Variants in NBAS observed in about 807,000 individuals in gnomAD.
NBAS encodes the protein NBAS subunit of NRZ tethering complex.
NBAS carries 219 observed loss-of-function variants against 302.5 expected under a neutral mutation model. That is an observed-to-expected ratio of 0.72 (90% confidence interval 0.65 to 0.81). The LOEUF (loss-of-function observed/expected upper bound fraction) is 0.81. Ranked by LOEUF, NBAS falls within the 30% of genes least tolerant of loss-of-function variation. NBAS has a pLI of 0.00. For synonymous variants in NBAS, 1,118 were observed against 1,021.6 expected (o/e 1.09, Z -1.80); for missense variants, 2,932 against 2,841.6 (o/e 1.03, Z -0.72).
chr2:14,853,996 G>T, the NBAS span, among the ~76,000 whole-genome samples: 1 of 143,814 alleles, frequency 7.0e-6, no homozygotes, highest in African/African-American at 2.6e-5. Context: ...TGGGTGCAGC[G>T]CACCAGCATG....
chr2:14,793,068 T>TTCTCTCTCTC, the NBAS span, among the ~76,000 whole-genome samples: 2 of 147,316 alleles, frequency 1.4e-5, no homozygotes, highest in African/African-American at 5.0e-5. Context: ...CTGTCTCTGT[T>TTCTCTCTCTC]TCTCTCTCTC....
chr2:14,901,440 T>TAA, the NBAS span, among the ~76,000 whole-genome samples: 4 of 150,368 alleles, frequency 2.7e-5, no homozygotes, highest in Admixed American at 1.3e-4. Flanking sequence ...CAGGTAATTT[T>TAA]AAAAAAAAAA....
intron 22 of NBAS, 55 bp from the exon 23 acceptor site, chr2:15,424,523 TA>T (rs1677372040): frequency 1.9e-6 from 3 of 1,591,992 alleles, no homozygotes. Flanking sequence ...GAAAAACATA[TA>T]ATTTTGTGAG....
At chr2:15,475,965 A>G (rs1680175506) in intron 13 of NBAS, 85 bp from the exon 14 acceptor site, 2 of 1,085,052 alleles carry the variant, frequency 1.8e-6, no homozygotes, top group Admixed American at 5.1e-5. Flanking sequence ...TCAATTTTAA[A>G]ACAAAATTTA....
chr2:14,848,951 G>C, the NBAS span, among the ~76,000 whole-genome samples: 5 of 140,470 alleles, frequency 3.6e-5, no homozygotes, highest in African/African-American at 1.5e-4. Flanking sequence ...AAGACCAAAA[G>C]TAGATAAAAC....
chr2:15,243,704 C>A lies in NBAS; in HGVS notation c.5725-5018G>T, dbSNP rs1025505897. ...CCTAATGAACTTGGGAAATGGAACACCAGAAATGTGTTGGGTGTTATATGA... is the reference window on the plus strand; with the variant it reads ...CCTAATGAACTTGGGAAATGGAACAACAGAAATGTGTTGGGTGTTATATGA... On this transcript the variant is annotated intron_variant, in intron 44 of 51. Coordinates refer to ENST00000281513, the MANE Select transcript of NBAS (RefSeq NM_015909.4). 2.0e-5 allele frequency among the ~76,000 whole-genome samples: 3 copies of A among 152,034 alleles called. No individual in the cohort carries two copies. The South Asian group carries it at 6.2e-4, about 32-fold the overall frequency.
chr2:15,205,287 A>T (rs1666085395), intron 48 of NBAS, among the ~76,000 whole-genome samples: 1 of 152,162 alleles, frequency 6.6e-6, no homozygotes, highest in South Asian at 2.1e-4. Context: ...AAATTAACTC[A>T]TACCACAAGA....
chr2:15,338,985 A>G (rs955185877), intron 35 of NBAS, among the ~76,000 whole-genome samples: 1 of 152,172 alleles, frequency 6.6e-6, no homozygotes, highest in Non-Finnish European at 1.5e-5. Context: ...ACTGCACTCC[A>G]GCATTGGTGA....
At chr2:15,493,659 T>G (rs943406675) in intron 11 of NBAS, among the ~76,000 whole-genome samples, 3 of 148,314 alleles carry the variant, frequency 2.0e-5, no homozygotes, top group African/African-American at 7.5e-5. Context: ...ACAGCAAGAC[T>G]CTGGCTCAAA....
At chr2:15,345,921 A>G (rs908474069) in intron 35 of NBAS, among the ~76,000 whole-genome samples, 1 of 152,224 alleles carries the variant, frequency 6.6e-6, no homozygotes, top group African/African-American at 2.4e-5. Context: ...TTTCCTATTC[A>G]ATAAATGGTG....
At chr2:15,085,722 G>A in the NBAS span, among the ~76,000 whole-genome samples, 1 of 152,172 alleles carries the variant, frequency 6.6e-6, no homozygotes, top group Non-Finnish European at 1.5e-5. Flanking sequence ...TGTATGCTCA[G>A]AAGTGCCTGC....
chr2:15,248,118 G>A (rs1668189074), intron 44 of NBAS, among the ~76,000 whole-genome samples: 1 of 152,178 alleles, frequency 6.6e-6, no homozygotes, highest in Non-Finnish European at 1.5e-5. Flanking sequence ...AGGCCACAGT[G>A]CAATCAAATT....
chr2:14,962,194 G>A, the NBAS span, among the ~76,000 whole-genome samples: 1 of 152,166 alleles, frequency 6.6e-6, no homozygotes, highest in Non-Finnish European at 1.5e-5. Flanking sequence ...TGTGTGGGTT[G>A]ATTTAGGGCA....
intron 51 of NBAS, among the ~76,000 whole-genome samples, chr2:15,169,849 G>A (rs1044691942): frequency 7.2e-5 from 11 of 152,208 alleles, no homozygotes; most frequent in Admixed American, 5.2e-4. Flanking sequence ...CTCCAGCCAC[G>A]TGCATGCACA....
chr2:15,101,493 A>AAATT, the NBAS span, among the ~76,000 whole-genome samples: 147,117 of 151,804 alleles, frequency 0.97, 71,321 homozygotes, highest in East Asian at 1. Flanking sequence ...AAATGCATGT[A>AAATT]AATAACCCAT....
At chr2:15,216,747 G>A (rs1666671051) in intron 48 of NBAS, among the ~76,000 whole-genome samples, 1 of 152,182 alleles carries the variant, frequency 6.6e-6, no homozygotes, top group South Asian at 2.1e-4. Flanking sequence ...GTTTTAACAT[G>A]TCAGGTAATA....
chr2:15,377,368 G>A (rs1674794226), intron 30 of NBAS, among the ~76,000 whole-genome samples: 1 of 152,142 alleles, frequency 6.6e-6, no homozygotes, highest in South Asian at 2.1e-4. Flanking sequence ...AAAATAAACT[G>A]GTGCCACATG....
chr2:15,357,566 T>C (rs73197088), intron 32 of NBAS, among the ~76,000 whole-genome samples: 4,625 of 152,254 alleles, frequency 0.03, 175 homozygotes, highest in African/African-American at 0.088. Context: ...TCAAAACCTA[T>C]GTTGCCCAGG....
intron 36 of NBAS, among the ~76,000 whole-genome samples, chr2:15,329,276 CTA>C (rs944485102): frequency 1.3e-5 from 2 of 152,204 alleles, no homozygotes; most frequent in African/African-American, 4.8e-5. Context: ...TAGCGTCTCA[CTA>C]AACGGCATCT....
Sources: gnomAD v4.1 joint callset for allele counts (sites outside exome capture counted in the v4.1 genomes callset) on GRCh38, gnomAD v4.1.1 for gene constraint, MANE v1.5 for transcripts, NCBI Gene and HGNC (gene_info 2026-07-23, HGNC 2026-07-21) for gene names.